The following UBAP2 variants were observed in gnomAD, a reference collection of about 807,000 sequenced individuals.
The protein encoded by UBAP2 is ubiquitin-associated protein 2.
In UBAP2, 75 loss-of-function variants were observed where a neutral mutation model predicts 139.6. The observed-to-expected ratio is 0.54, with a 90% CI of 0.45 to 0.65. The LOEUF (loss-of-function observed/expected upper bound fraction) is 0.65. Ranked by LOEUF, UBAP2 falls within the 30% of genes least tolerant of loss-of-function variation. UBAP2 has a pLI of 0.00. For missense variants in UBAP2, 1,368 were observed against 1,369.6 expected (o/e 1.00, Z 0.02); for synonymous variants, 526 against 526.2 (o/e 1.00, Z 0.01).
Position 33,996,185 on chromosome 9 carries a change from AC to A in UBAP2, c.288+37del, listed in dbSNP as rs763271258. 2.0e-6 allele frequency: 3 copies of A among 1,497,680 alleles called. No homozygotes were observed. The East Asian group carries it at 6.8e-5, about 34-fold the overall frequency. The allele number at this position is 1,497,680 out of a possible 1,614,324, so 92.8% of individuals were successfully genotyped here. On this transcript the variant is annotated intron_variant, in intron 4 of 28. Transcript: ENST00000379238. ...TTGAAAATGTGCTACGGAATTGGAGACAAATGTAAACAATGCAAATCAATTA... is the reference window on the plus strand; with the variant it reads ...TTGAAAATGTGCTACGGAATTGGAGAAAATGTAAACAATGCAAATCAATTA...
intron 1 of UBAP2, among the ~76,000 whole-genome samples, chr9:34,032,198 T>C (rs1211947465): frequency 2.0e-5 from 3 of 152,138 alleles, no homozygotes; most frequent in Non-Finnish European, 4.4e-5. Context: ...ATTCTATCCC[T>C]AAACGTAGCT....
chr9:34,011,948 G>T (rs556509594), intron 2 of UBAP2, among the ~76,000 whole-genome samples: 2 of 150,456 alleles, frequency 1.3e-5, no homozygotes, highest in East Asian at 3.9e-4. Flanking sequence ...AAAAAAATTG[G>T]AAATAATAAT....
In UBAP2 at chr9:33,922,406, G is replaced by T; in HGVS notation, c.*98C>A. ...ACAGAGGCATGGCTGACACATGTCG[G>T]GAATTCTAGGAAAGGGCACTGGGCT... On this transcript the variant is annotated 3_prime_UTR_variant, in exon 29 of 29. Coordinates refer to ENST00000379238, the MANE Select transcript of UBAP2 (RefSeq NM_001370062.2). 8.2e-7 allele frequency: 1 copy of T among 1,218,250 alleles called. No homozygotes were observed. The highest frequency in any genetic ancestry group is 1.3e-5 in the South Asian group (1 of 76,896). 75.5% of individuals were successfully genotyped at this position (1,218,250 alleles called of 1,614,324 possible).
intron 6 of UBAP2, among the ~76,000 whole-genome samples, chr9:33,980,121 T>G (rs896905682): frequency 1.3e-5 from 2 of 150,638 alleles, no homozygotes; most frequent in African/African-American, 2.4e-5. Flanking sequence ...CAAGCAAAGC[T>G]GGCAAACACA....
At chr9:33,940,037 GA>G (rs1825067671) in intron 16 of UBAP2, among the ~76,000 whole-genome samples, 1 of 148,918 alleles carries the variant, frequency 6.7e-6, no homozygotes, top group Non-Finnish European at 1.5e-5. Flanking sequence ...GAGGGAGAGG[GA>G]AGAGAGGGAG....
chr9:34,027,230 C>T (rs548124789), intron 1 of UBAP2, among the ~76,000 whole-genome samples: 28 of 152,034 alleles, frequency 1.8e-4, no homozygotes, highest in South Asian at 6.2e-4. Context: ...CCTGTAATCC[C>T]GGCACTTTGG....
intron 12 of UBAP2, among the ~76,000 whole-genome samples, chr9:33,950,918 C>T (rs1826041661): frequency 6.6e-6 from 1 of 152,228 alleles, no homozygotes; most frequent in South Asian, 2.1e-4. Context: ...TGCACATACA[C>T]ACAAACACAC....
At chr9:34,028,026 T>G (rs1825560627) in intron 1 of UBAP2, among the ~76,000 whole-genome samples, 1 of 151,510 alleles carries the variant, frequency 6.6e-6, no homozygotes, top group Non-Finnish European at 1.5e-5. Context: ...GCTTGTACCC[T>G]GCATGCCAGG....
chr9:34,018,008 C>T (rs1221168558), intron 1 of UBAP2, among the ~76,000 whole-genome samples: 4 of 151,850 alleles, frequency 2.6e-5, no homozygotes, highest in Non-Finnish European at 5.9e-5. Context: ...GTGTCAAGCA[C>T]ATAATTAAGT....
chr9:34,013,847 A>G (rs1351850599), intron 2 of UBAP2, among the ~76,000 whole-genome samples: 4 of 152,040 alleles, frequency 2.6e-5, no homozygotes, highest in Non-Finnish European at 4.4e-5. Flanking sequence ...ACTGCACTCC[A>G]GCCTGGGCGA....
intron 2 of UBAP2, among the ~76,000 whole-genome samples, chr9:34,016,356 A>AGCG (rs1363310950): frequency 1.0e-4 from 2 of 20,008 alleles, no homozygotes; most frequent in African/African-American, 4.7e-4. Flanking sequence ...AGGAGGCAGC[A>AGCG]GCGGCGGCAG....
At chr9:34,015,705 T>C in intron 2 of UBAP2, among the ~76,000 whole-genome samples, 1 of 152,182 alleles carries the variant, frequency 6.6e-6, no homozygotes, top group East Asian at 1.9e-4. Context: ...GGCAGGTTTT[T>C]GCTTTTTTGT....
At chr9:33,926,819 A>G (rs2130860664) in intron 21 of UBAP2, among the ~76,000 whole-genome samples, 155 bp from the exon 22 acceptor site, 1 of 152,246 alleles carries the variant, frequency 6.6e-6, no homozygotes, top group South Asian at 2.1e-4. Flanking sequence ...GCCTTCACGG[A>G]GTCTAGATGG....
At chr9:34,046,643 CAAAAAAAAAAAAA>C (rs59971755) in intron 1 of UBAP2, among the ~76,000 whole-genome samples, 7 of 122,344 alleles carry the variant, frequency 5.7e-5, no homozygotes, top group South Asian at 2.9e-4. Flanking sequence ...GACTCCATCT[CAAAAAAAAAAAAA>C]AAAAAAAAAA....
Position 33,963,802 on chromosome 9 carries a change from A to G in UBAP2, c.680-11T>C. 3 of 1,604,978 alleles carry G rather than the reference A, an allele frequency of 1.9e-6. No homozygotes were observed. The highest frequency in any genetic ancestry group is 1.7e-6 in the Non-Finnish European group (2 of 1,172,114). On this transcript the variant is annotated splice_polypyrimidine_tract_variant and intron_variant, in intron 8 of 28. Coordinates refer to ENST00000379238, the MANE Select transcript of UBAP2 (RefSeq NM_001370062.2). ...TATTTGATGCCAGTTCTGTGGACCA[A>G]TGTAAAATTGAGGGTTTAAACATAT...
chr9:34,046,620 G>A (rs1224075239), intron 1 of UBAP2, among the ~76,000 whole-genome samples: 3 of 138,060 alleles, frequency 2.2e-5, no homozygotes, highest in African/African-American at 8.4e-5. Flanking sequence ...CTCCAGCCTG[G>A]GCGACAGAAC....
chr9:33,923,271 C>G lies in UBAP2; in HGVS notation c.2919G>C (p.Gly973=), dbSNP rs559178027. 2.7e-5 allele frequency: 43 copies of G among 1,614,206 alleles called. No individual in the cohort carries two copies. The East Asian group carries it at 9.6e-4, about 36-fold the overall frequency. The change falls in exon 26 of 29, where the codon GGG becomes GGC. Residue 973 remains glycine (G), a synonymous_variant. Coordinates refer to ENST00000379238, the MANE Select transcript of UBAP2 (RefSeq NM_001370062.2). ...YSTGYDDLTQ[G]TAAGDYSKGG... is the part of the protein sequence containing the mutation. ...CTTTGGAGTAGTCTCCTGCTGCTGT[C>G]CCCTGGGTCAGGTCGTCATAACCTA...
chr9:34,030,403 C>T (rs182925386), intron 1 of UBAP2, among the ~76,000 whole-genome samples: 11 of 150,544 alleles, frequency 7.3e-5, no homozygotes, highest in Admixed American at 5.3e-4. Context: ...GAGCCGAGAT[C>T]GCGCCACTGC....
chr9:33,944,389 C>G lies in UBAP2; in HGVS notation c.1521G>C (p.Lys507Asn), dbSNP rs1267991919. 5 of 1,613,402 alleles carry G rather than the reference C, an allele frequency of 3.1e-6. No homozygotes were observed. The highest frequency in any genetic ancestry group is 4.2e-6 in the Non-Finnish European group (5 of 1,179,386). Residue 507 changes from lysine (K) to asparagine (N), a missense_variant, in exon 14 of 29, where the codon AAG becomes AAC. Coordinates refer to ENST00000379238, the MANE Select transcript of UBAP2 (RefSeq NM_001370062.2). Reference protein sequence around the residue: ...QPQPKHIKLAKRRIPPASKIP... With the variant: ...QPQPKHIKLANRRIPPASKIP... ...CCTTAGAAGCTGGGGGTATCCGCCG[C>G]TTAGCAAGTTTGATGTGTTTGGGCT... is the stretch of plus-strand genomic sequence containing the variant.
Sources: gnomAD v4.1 joint callset for allele counts (sites outside exome capture counted in the v4.1 genomes callset) on GRCh38, gnomAD v4.1.1 for gene constraint, MANE v1.5 for transcripts, NCBI Gene and HGNC (gene_info 2026-07-23, HGNC 2026-07-21) for gene names.